The following FABP7 variants were observed in gnomAD, a reference collection of about 807,000 sequenced individuals.
FABP7 encodes fatty acid-binding protein, brain.
Under a neutral mutation model 14.2 loss-of-function variants are expected in FABP7, and 13 were observed. That is an observed-to-expected ratio of 0.91 (90% confidence interval 0.59 to 1.45). FABP7 has a LOEUF of 1.45. Among genes scored for constraint, FABP7 ranks in the 40% most tolerant of loss-of-function variants. The pLI is 0.00. For missense variants in FABP7, 149 were observed against 157.6 expected (o/e 0.95, Z 0.29); for synonymous variants, 49 against 51.4 (o/e 0.95, Z 0.20).
the FABP7 span, among the ~76,000 whole-genome samples, chr6:122,773,794 T>C: frequency 0.29 from 43,590 of 152,002 alleles, 6,896 homozygotes; most frequent in Non-Finnish European, 0.37. Flanking sequence ...AAAATTGTTG[T>C]AAAGCAAGGC....
chr6:122,759,980 G>A, the FABP7 span, among the ~76,000 whole-genome samples: 1 of 152,060 alleles, frequency 6.6e-6, no homozygotes, highest in East Asian at 1.9e-4. Flanking sequence ...TTAGCCGGGT[G>A]TGGTGGCGGG....
chr6:122,758,105 C>CTTTTTT, the FABP7 span, among the ~76,000 whole-genome samples: 457 of 118,338 alleles, frequency 3.9e-3, 5 homozygotes, highest in African/African-American at 0.013. Context: ...TATTATCTAG[C>CTTTTTT]TTTTTTTTTT....
chr6:122,774,617 A>G, the FABP7 span, among the ~76,000 whole-genome samples: 1 of 152,060 alleles, frequency 6.6e-6, no homozygotes, highest in Non-Finnish European at 1.5e-5. Flanking sequence ...AGAACAGTCG[A>G]GTGGCTTTTA....
chr6:122,758,968 A>G, the FABP7 span, among the ~76,000 whole-genome samples: 1 of 152,238 alleles, frequency 6.6e-6, no homozygotes, highest in Non-Finnish European at 1.5e-5. Flanking sequence ...AAAATGGTAG[A>G]GCTACACAAT....
the FABP7 span, among the ~76,000 whole-genome samples, chr6:122,752,357 A>G: frequency 3.3e-5 from 5 of 152,164 alleles, no homozygotes; most frequent in Non-Finnish European, 7.3e-5. Flanking sequence ...TCATGCATGC[A>G]TGCACTCTGT....
In FABP7 at chr6:122,780,336, C is replaced by A. The variant is rs202040158; in HGVS notation, c.119C>A (p.Thr40Lys). The A allele has an allele frequency of 5.6e-6, 9 of 1,613,922 alleles. No homozygotes were observed. In the Admixed American group the frequency reaches 1.3e-4, roughly 24 times the overall value. ...CAGGTGGGAAATGTGACCAAACCAA[C>A]GGTAATTATCAGTCAAGAAGGAGAC... ...TRQVGNVTKP[T>K]VIISQEGDKV... Residue 40 changes from threonine (T) to lysine (K), a missense_variant, in exon 2 of 4, where the codon ACG (threonine) becomes AAG (lysine). Physicochemically the swap from Thr to Lys is moderately conservative, Grantham distance 78 (BLOSUM62 -1). Coordinates refer to ENST00000368444, the MANE Select transcript of FABP7 (RefSeq NM_001446.5).
chr6:122,765,603 C>T, the FABP7 span, among the ~76,000 whole-genome samples: 3 of 151,952 alleles, frequency 2.0e-5, no homozygotes, highest in African/African-American at 7.2e-5. Flanking sequence ...TCTGAAAGTT[C>T]TCTTCAAACA....
upstream of FABP7, among the ~76,000 whole-genome samples, chr6:122,777,428 T>G (rs1448125453): frequency 6.6e-6 from 1 of 152,094 alleles, no homozygotes; most frequent in South Asian, 2.1e-4. Context: ...CCTGAATTCC[T>G]GGCCATAAAA....
the FABP7 span, among the ~76,000 whole-genome samples, chr6:122,749,276 G>A: frequency 6.6e-6 from 1 of 151,746 alleles, no homozygotes; most frequent in African/African-American, 2.4e-5. Flanking sequence ...CTGGTGGAAT[G>A]CAACTGAAGG....
At chr6:122,778,399 A>T (rs1248061440), upstream of FABP7, among the ~76,000 whole-genome samples, 1 of 152,184 alleles carries the variant, frequency 6.6e-6, no homozygotes, top group Non-Finnish European at 1.5e-5. Flanking sequence ...CGCACTTGAG[A>T]CACCGAAGAA....
At chr6:122,753,792 C>CT in the FABP7 span, among the ~76,000 whole-genome samples, 4 of 95,674 alleles carry the variant, frequency 4.2e-5, no homozygotes, top group East Asian at 1.7e-3. Flanking sequence ...CCGCCCCCCC[C>CT]CCGCCCACAG....
the FABP7 span, among the ~76,000 whole-genome samples, chr6:122,750,824 T>C: frequency 6.6e-6 from 1 of 152,220 alleles, no homozygotes; most frequent in Non-Finnish European, 1.5e-5. Flanking sequence ...AGGAGTTAGC[T>C]GATGAGTGGA....
chr6:122,768,358 C>T, the FABP7 span, among the ~76,000 whole-genome samples: 1 of 151,982 alleles, frequency 6.6e-6, no homozygotes, highest in South Asian at 2.1e-4. Context: ...AAACTATGTG[C>T]CCAAAATAAA....
the FABP7 span, among the ~76,000 whole-genome samples, chr6:122,755,390 A>G: frequency 1.3e-5 from 2 of 151,426 alleles, no homozygotes; most frequent in Middle Eastern, 3.5e-3. Flanking sequence ...ATAAAGTGTG[A>G]ATTTTTACTT....
chr6:122,766,671 T>C, the FABP7 span, among the ~76,000 whole-genome samples: 26 of 152,128 alleles, frequency 1.7e-4, no homozygotes, highest in Non-Finnish European at 3.7e-4. Context: ...CTATAGAAAA[T>C]TAACATCTAG....
the FABP7 span, among the ~76,000 whole-genome samples, chr6:122,763,591 A>C: frequency 6.6e-6 from 1 of 152,360 alleles, no homozygotes; most frequent in Admixed American, 6.5e-5. Flanking sequence ...CTACCATCAG[A>C]GTGAACAGCC....
At chr6:122,757,855 A>C in the FABP7 span, among the ~76,000 whole-genome samples, 30 of 152,224 alleles carry the variant, frequency 2.0e-4, no homozygotes, top group East Asian at 5.2e-3. Flanking sequence ...AAAGAAGAAA[A>C]TATTAGTATT....
the FABP7 span, among the ~76,000 whole-genome samples, chr6:122,774,696 T>A: frequency 6.6e-6 from 1 of 150,572 alleles, no homozygotes; most frequent in Non-Finnish European, 1.5e-5. Context: ...GCATCCACAC[T>A]GCAAAGGAAG....
chr6:122,779,952 C>T (rs1029071166), intron 1 of FABP7, 85 bp downstream of exon 1: 1 of 1,309,462 alleles, frequency 7.6e-7, no homozygotes, highest in African/African-American at 1.4e-5. Context: ...ATCAGGTCAG[C>T]AAGAGGCAAA....
Sources: allele counts gnomAD v4.1 joint callset (sites outside exome capture counted in the v4.1 genomes callset), GRCh38; gene constraint gnomAD v4.1.1; transcripts MANE v1.5; gene names NCBI Gene and HGNC (gene_info 2026-07-23, HGNC 2026-07-21).